Variants in TBC1D19 observed in about 807,000 individuals in gnomAD.
TBC1D19 encodes TBC1 domain family, member 19.
A neutral mutation model predicts 89.0 loss-of-function variants in TBC1D19; 60 were observed. That is an observed-to-expected ratio of 0.67 (90% CI 0.55 to 0.84). The LOEUF (loss-of-function observed/expected upper bound fraction) is 0.84. Ranked by LOEUF, TBC1D19 falls within the 40% of genes least tolerant of loss-of-function variation. TBC1D19 has a pLI of 0.00. For missense variants in TBC1D19, 500 were observed against 610.8 expected (o/e 0.82, Z 1.91); for synonymous variants, 189 against 199.7 (o/e 0.95, Z 0.45).
chr4:26,719,833 G>A lies in TBC1D19; in HGVS notation c.1040-248G>A, dbSNP rs757350659. Among the ~76,000 whole-genome samples, 26 of 152,166 alleles carry A rather than the reference G, an allele frequency of 1.7e-4. 1 individual carries two copies. Among genetic ancestry groups the A allele is most frequent in the Admixed American group, 1.4e-3 (22 of 15,270 alleles). On this transcript the variant is annotated intron_variant, in intron 14 of 20. Transcript: ENST00000264866. ...TTAAGTGCCTAAGGAACTTGAAAGC[G>A]TTTGTTCTTTTGGTTGTTTTGTGTC...
chr4:26,662,951 GGA>G (rs1393414426), intron 8 of TBC1D19: 1 of 152,144 alleles, frequency 6.6e-6, no homozygotes, highest in Non-Finnish European at 1.5e-5. Flanking sequence ...CCAAAGAGAA[GGA>G]GAGTTTCCCA....
chr4:26,757,699 A>C (rs1221673163), downstream of TBC1D19, among the ~76,000 whole-genome samples: 1 of 152,218 alleles, frequency 6.6e-6, no homozygotes, highest in African/African-American at 2.4e-5. Context: ...CAGGGAAAAT[A>C]GAGACCATTA....
chr4:26,746,249 T>G (rs1215051590), intron 18 of TBC1D19, among the ~76,000 whole-genome samples: 2 of 149,058 alleles, frequency 1.3e-5, no homozygotes, highest in Non-Finnish European at 3.0e-5. Flanking sequence ...TTTTTTTTTT[T>G]TCCATAGAGA....
chr4:26,738,626 T>C (rs1578004700), intron 16 of TBC1D19, among the ~76,000 whole-genome samples: 1 of 151,860 alleles, frequency 6.6e-6, no homozygotes. Flanking sequence ...TTATAATACA[T>C]ATTGTAATAC....
chr4:26,809,961 C>T, the TBC1D19 span, among the ~76,000 whole-genome samples: 1 of 152,230 alleles, frequency 6.6e-6, no homozygotes, highest in South Asian at 2.1e-4. Context: ...ACTCACTGTT[C>T]TTGTACATGG....
Position 26,586,217 on chromosome 4 carries a change from C to T in TBC1D19, c.99+1925C>T, listed in dbSNP as rs575195068. Among the ~76,000 whole-genome samples, 10 of 132,504 alleles carry T rather than the reference C, an allele frequency of 7.5e-5. 1 individual carries two copies. Among genetic ancestry groups the T allele is most frequent in the African/African-American group, 2.6e-4 (9 of 34,524 alleles). The allele number at this position is 132,504 out of a possible 152,430, so 86.9% of individuals were successfully genotyped here. A position where few individuals can be genotyped will look rare whatever the true frequency, so the allele number is the denominator to read the frequency against. ...ATATGGATATCCAGTATTTCCATTA[C>T]TGATTTGCTGAAAAACCTATCCTTT... On this transcript the variant is annotated intron_variant, in intron 1 of 20. Coordinates refer to ENST00000264866, the MANE Select transcript of TBC1D19 (RefSeq NM_018317.4).
At chr4:26,612,003 A>G (rs1322891739) in intron 1 of TBC1D19, among the ~76,000 whole-genome samples, 2 of 152,036 alleles carry the variant, frequency 1.3e-5, no homozygotes, top group Non-Finnish European at 2.9e-5. Context: ...AAGTTGGCTC[A>G]TCATGTGTTC....
the TBC1D19 span, among the ~76,000 whole-genome samples, chr4:26,762,372 CT>C: frequency 3.3e-5 from 5 of 152,098 alleles, no homozygotes; most frequent in African/African-American, 1.2e-4. Flanking sequence ...ATCCTTAAAA[CT>C]TTTTTCTTAG....
the TBC1D19 span, among the ~76,000 whole-genome samples, chr4:26,787,777 C>G: frequency 6.6e-6 from 1 of 152,258 alleles, no homozygotes; most frequent in South Asian, 2.1e-4. Flanking sequence ...TAAGCCTGAC[C>G]TTGACAACAT....
intron 15 of TBC1D19, among the ~76,000 whole-genome samples, chr4:26,722,253 T>C (rs1165523792): frequency 6.6e-6 from 1 of 152,184 alleles, no homozygotes; most frequent in Non-Finnish European, 1.5e-5. Context: ...ATAGTAACTT[T>C]TTATATTTTA....
the TBC1D19 span, among the ~76,000 whole-genome samples, chr4:26,856,168 A>C: frequency 1.4e-5 from 2 of 146,944 alleles, no homozygotes; most frequent in East Asian, 4.0e-4. Flanking sequence ...AATCACCTTT[A>C]TACTGTTTCT....
intron 7 of TBC1D19, among the ~76,000 whole-genome samples, chr4:26,650,028 C>A (rs1316191878): frequency 1.3e-5 from 2 of 152,184 alleles, no homozygotes; most frequent in African/African-American, 2.4e-5. Context: ...CGCATCCCTA[C>A]AAAGGACATG....
At chr4:26,675,898 C>A (rs1712759156) in intron 11 of TBC1D19, among the ~76,000 whole-genome samples, 1 of 152,118 alleles carries the variant, frequency 6.6e-6, no homozygotes. Flanking sequence ...AGAATATTAT[C>A]TAACTTTCAT....
chr4:26,695,177 T>C (rs1714655840), intron 13 of TBC1D19, among the ~76,000 whole-genome samples: 1 of 152,116 alleles, frequency 6.6e-6, no homozygotes, highest in East Asian at 1.9e-4. Flanking sequence ...CTGATGGAGC[T>C]GAAAACCATG....
the TBC1D19 span, among the ~76,000 whole-genome samples, chr4:26,853,249 C>A: frequency 2.0e-5 from 3 of 152,152 alleles, no homozygotes; most frequent in Admixed American, 6.5e-5. Context: ...ATCCTTTCCC[C>A]AAAACTTTTC....
At chr4:26,609,427 G>T (rs888214077) in intron 1 of TBC1D19, among the ~76,000 whole-genome samples, 6 of 152,102 alleles carry the variant, frequency 3.9e-5, no homozygotes, top group Non-Finnish European at 7.4e-5. Context: ...TTGCTGCCTG[G>T]CCTAGGGAAA....
intron 7 of TBC1D19, among the ~76,000 whole-genome samples, chr4:26,645,075 C>T (rs1403141742): frequency 3.3e-5 from 5 of 152,148 alleles, no homozygotes; most frequent in African/African-American, 9.7e-5. Flanking sequence ...AATGGCCATA[C>T]TGCCCAAAGT....
chr4:26,620,567 C>G (rs770266339), intron 3 of TBC1D19, 46 bp from the exon 4 acceptor site: 1 of 1,530,748 alleles, frequency 6.5e-7, no homozygotes, highest in Non-Finnish European at 9.0e-7. Context: ...TAATATCTAA[C>G]CAAGAGAATA....
At chr4:26,613,062 C>T (rs1334852472) in intron 1 of TBC1D19, 107 bp from the exon 2 acceptor site, 3 of 784,884 alleles carry the variant, frequency 3.8e-6, no homozygotes, top group African/African-American at 3.6e-5. Context: ...CATTTTTGAA[C>T]ACTCCTTTTT....
Sources: gnomAD v4.1 joint callset for allele counts (sites outside exome capture counted in the v4.1 genomes callset) on GRCh38, gnomAD v4.1.1 for gene constraint, MANE v1.5 for transcripts, NCBI Gene and HGNC (gene_info 2026-07-23, HGNC 2026-07-21) for gene names.